MRPL52: variants seen among roughly 807,000 people sequenced by gnomAD.
MRPL52 encodes large ribosomal subunit protein mL52.
Under a neutral mutation model 22.1 loss-of-function variants are expected in MRPL52, and 19 were observed. The ratio of observed to expected loss-of-function variants is 0.86; its 90% CI spans 0.60 to 1.26. The LOEUF (loss-of-function observed/expected upper bound fraction) is 1.26. Ranked by LOEUF, MRPL52 falls within the 50% of genes most tolerant of loss-of-function variation. MRPL52 has a pLI of 0.00. For missense variants in MRPL52, 152 were observed against 148.1 expected, an observed-to-expected ratio of 1.03 and a Z score of -0.14; for synonymous variants, 50 against 57.5, an observed-to-expected ratio of 0.87 and a Z score of 0.59.
chr14:22,831,106 C>CCT, intron 3 of MRPL52: 1 of 164,930 alleles, frequency 6.1e-6, no homozygotes, highest in Non-Finnish European at 1.1e-5. Flanking sequence ...CATATGACTG[C>CCT]TTTTTTTTTT....
In MRPL52 at chr14:22,830,054, T is replaced by TG; in HGVS notation, c.31dup (p.Val11GlyfsTer58). On this transcript the variant is annotated frameshift_variant and splice_region_variant, in exon 2 of 5. Transcript: ENST00000397496. LOFTEE classifies it high-confidence loss of function. ...AACTCTGCTCTGTTCTCCCAGCAGG[T>TG]GTCCGGAGGCTGCACTGCAGCGTAG... 1 of 1,614,068 alleles carries TG rather than the reference T, an allele frequency of 6.2e-7. No homozygotes were observed. The highest frequency in any genetic ancestry group is 8.5e-7 in the Non-Finnish European group (1 of 1,179,968).
At chr14:22,831,528 A>C (rs996019552) in intron 3 of MRPL52, 1 of 152,438 alleles carries the variant, frequency 6.6e-6, no homozygotes, top group East Asian at 1.9e-4. Flanking sequence ...TACCTATCTC[A>C]TGTGGTTCTT....
In MRPL52 at chr14:22,834,515, C is replaced by T. The variant is rs762996096; in HGVS notation, c.*194C>T. 207 of 619,040 alleles carry T rather than the reference C, an allele frequency of 3.3e-4. No individual in the cohort carries two copies. The highest frequency in any genetic ancestry group is 5.0e-4 in the Non-Finnish European group (187 of 371,636). 38.3% of individuals were successfully genotyped at this position (619,040 alleles called of 1,614,324 possible). A position where few individuals can be genotyped will look rare whatever the true frequency, so the allele number is the denominator to read the frequency against. On this transcript the variant is annotated 3_prime_UTR_variant, in exon 5 of 5. Transcript: ENST00000397496. The stretch of plus-strand genomic sequence containing the variant: ...AGTACTCTCATCTCTGGTTCCATTC[C>T]AGTTCAGCTAAGTCTTGCTTTAAAA...
intron 4 of MRPL52, 88 bp from the exon 5 acceptor site, chr14:22,834,084 T>G (rs12437230): frequency 0.11 from 162,644 of 1,452,216 alleles, 9,639 homozygotes; most frequent in East Asian, 0.21. Context: ...ATTTTCCAGA[T>G]GAAACCTCTG....
In MRPL52 at chr14:22,834,343, C is replaced by G; in HGVS notation, c.*22C>G. The G allele has an allele frequency of 6.3e-7, 1 of 1,598,960 alleles. No homozygotes were observed. Among genetic ancestry groups the G allele is most frequent in the Non-Finnish European group, 8.5e-7 (1 of 1,174,026 alleles). On this transcript the variant is annotated 3_prime_UTR_variant, in exon 5 of 5. Coordinates refer to ENST00000397496, the MANE Select transcript of MRPL52 (RefSeq NM_180982.3). ...ATAAAAAGCAACTCCTGCCTCCCTT[C>G]CTCACCCTGTCTCTGGATTTCTTTT...
chr14:22,830,613 A>T, intron 3 of MRPL52: 1 of 392,992 alleles, frequency 2.5e-6, no homozygotes, highest in South Asian at 3.3e-5. Context: ...TTGGTACCAA[A>T]TGCAGGGAGA....
chr14:22,831,106 C>CCTTTTT, intron 3 of MRPL52: 3 of 164,930 alleles, frequency 1.8e-5, no homozygotes, highest in Non-Finnish European at 3.2e-5. Flanking sequence ...CATATGACTG[C>CCTTTTT]TTTTTTTTTT....
At chr14:22,829,999 C>A (rs1384599594) in intron 1 of MRPL52, 54 bp from the exon 2 acceptor site, 4 of 1,613,228 alleles carry the variant, frequency 2.5e-6, no homozygotes, top group Non-Finnish European at 3.4e-6. Flanking sequence ...GGGCACAGGA[C>A]CCCTGATCCG....
chr14:22,832,470 A>G (rs1233575273), intron 3 of MRPL52, among the ~76,000 whole-genome samples: 4 of 151,684 alleles, frequency 2.6e-5, no homozygotes, highest in Non-Finnish European at 5.9e-5. Flanking sequence ...CCTCCCTAGT[A>G]GTTGAGACTA....
At chr14:22,830,698 C>T in intron 3 of MRPL52, 1 of 403,816 alleles carries the variant, frequency 2.5e-6, no homozygotes, top group Non-Finnish European at 4.4e-6. Flanking sequence ...AGGCTCCCTT[C>T]AGAAAATTCT....
chr14:22,830,361 T>A, intron 3 of MRPL52, 107 bp downstream of exon 3: 2 of 1,165,082 alleles, frequency 1.7e-6, no homozygotes, highest in Non-Finnish European at 2.5e-6. Context: ...TAAAAGTGTT[T>A]AACTTTTTAT....
Position 22,829,918 on chromosome 14 carries a change from T to A in MRPL52, c.6T>A (p.Ala2=), listed in dbSNP as rs368809384. The change falls in exon 1 of 5, where the codon GCT becomes GCA. Residue 2 remains alanine, a synonymous_variant. Transcript: ENST00000397496. M[A]ALGTVLFSVR... ...CCCGGCTACTCCTGCTCAGCATGGCTGCTTTAGGGACTGTTCTCTTCAGTG... is the reference window on the plus strand; with the variant it reads ...CCCGGCTACTCCTGCTCAGCATGGCAGCTTTAGGGACTGTTCTCTTCAGTG... 9.3e-5 allele frequency: 145 copies of A among 1,561,484 alleles called. No individual in the cohort carries two copies. Among genetic ancestry groups the A allele is most frequent in the Non-Finnish European group, 1.2e-4 (139 of 1,151,558 alleles).
At chr14:22,830,770 C>T in intron 3 of MRPL52, 1 of 518,402 alleles carries the variant, frequency 1.9e-6, no homozygotes, top group Admixed American at 3.6e-5. Flanking sequence ...GAAGGGAGAA[C>T]CTTAGAGAAG....
rs1372735943 is a variant in MRPL52 at position 22,833,481 on chromosome 14, C to T, written c.218C>T (p.Ala73Val). 6.2e-7 allele frequency: 1 copy of T among 1,611,730 alleles called. No individual in the cohort carries two copies. Among genetic ancestry groups the T allele is most frequent in the South Asian group, 1.1e-5 (1 of 91,022 alleles). ...AGAAAAGCTGAAAGGGAGACGTTTG[C>T]AGTGAGTGGTTAGAGCAACAGCCAG... is the stretch of plus-strand genomic sequence containing the variant. ...LRRKAERETF[A>V]RRVVLLSQEM... is the part of the protein sequence containing the mutation. The change falls in exon 4 of 5, where the codon GCA becomes GTA. Residue 73 changes from alanine (A) to valine (V), a missense_variant and splice_region_variant. By Grantham distance (64) the Ala-to-Val change is moderately conservative (BLOSUM62 0). Coordinates refer to ENST00000397496, the MANE Select transcript of MRPL52 (RefSeq NM_180982.3).
At chr14:22,831,106 C>CCTTT (rs1555327896) in intron 3 of MRPL52, 17 of 167,616 alleles carry the variant, frequency 1.0e-4, no homozygotes, top group Non-Finnish European at 1.5e-4. Context: ...CATATGACTG[C>CCTTT]TTTTTTTTTT....
chr14:22,834,690 TACAA>T lies in MRPL52; in HGVS notation c.*374_*377del, dbSNP rs749416813. On this transcript the variant is annotated 3_prime_UTR_variant, in exon 5 of 5. Coordinates refer to ENST00000397496, the MANE Select transcript of MRPL52 (RefSeq NM_180982.3). ...GGTGAAACCCTGTCCCTACTAAAGA[TACAA>T]ACAATTAGCCGGGCGTGGTGGGGTG... is the stretch of plus-strand genomic sequence containing the variant. 3.0e-5 allele frequency: 5 copies of T among 165,950 alleles called. No homozygotes were observed. Among genetic ancestry groups the T allele is most frequent in the Non-Finnish European group, 5.2e-5 (4 of 76,460 alleles). 10.3% of individuals were successfully genotyped at this position (165,950 alleles called of 1,614,324 possible).
chr14:22,834,040 C>G, intron 4 of MRPL52, 132 bp from the exon 5 acceptor site: 1 of 1,016,536 alleles, frequency 9.8e-7, no homozygotes, highest in Non-Finnish European at 1.4e-6. Context: ...CTTCCCAAGC[C>G]AGAACTCGCT....
chr14:22,830,842 A>G (rs2039591987), intron 3 of MRPL52: 1 of 652,150 alleles, frequency 1.5e-6, no homozygotes, highest in South Asian at 2.0e-5. Context: ...TTTGAGGCCT[A>G]CAGAAGTGAA....
intron 3 of MRPL52, among the ~76,000 whole-genome samples, chr14:22,832,771 C>T (rs527422182): frequency 3.3e-5 from 5 of 152,096 alleles, no homozygotes; most frequent in Non-Finnish European, 5.9e-5. Context: ...CCCAGTTACT[C>T]GGGAGGCTGA....
Sources: allele counts gnomAD v4.1 joint callset (sites outside exome capture counted in the v4.1 genomes callset), GRCh38; gene constraint gnomAD v4.1.1; transcripts MANE v1.5; gene names NCBI Gene and HGNC (gene_info 2026-07-23, HGNC 2026-07-21).